Variants in GPD2 observed in about 807,000 individuals in gnomAD.
GPD2 encodes glycerol-3-phosphate dehydrogenase, mitochondrial.
Under a neutral mutation model 82.4 loss-of-function variants are expected in GPD2, and 54 were observed. The observed-to-expected ratio is 0.66, with a 90% confidence interval of 0.53 to 0.82. The LOEUF is 0.82. GPD2 is among the 40% of genes least tolerant of loss of function. The probability of loss-of-function intolerance (pLI) is 0.00; values close to 1 mark genes in which losing one functional copy is unlikely to be tolerated. For missense variants in GPD2, 748 were observed against 896.2 expected (o/e 0.83, Z 2.11); for synonymous variants, 288 against 306.1 (o/e 0.94, Z 0.62).
intron 6 of GPD2, among the ~76,000 whole-genome samples, chr2:156,544,447 G>C (rs934016431): frequency 1.3e-5 from 2 of 152,158 alleles, no homozygotes; most frequent in Admixed American, 6.5e-5. Flanking sequence ...AAGGCAAAGG[G>C]CATGGCTACA....
intron 2 of GPD2, among the ~76,000 whole-genome samples, chr2:156,486,360 A>G (rs1683938314): frequency 6.6e-6 from 1 of 152,200 alleles, no homozygotes; most frequent in South Asian, 2.1e-4. Context: ...TCTATAGGTC[A>G]CTCAGTGAGT....
At chr2:156,561,402 T>G (rs868236295) in intron 9 of GPD2, among the ~76,000 whole-genome samples, 7 of 152,088 alleles carry the variant, frequency 4.6e-5, no homozygotes, top group South Asian at 2.1e-4. Flanking sequence ...TATAAGTAAG[T>G]CTGGTTCTAA....
chr2:156,516,022 A>G (rs561917161), intron 6 of GPD2, among the ~76,000 whole-genome samples: 1 of 152,354 alleles, frequency 6.6e-6, no homozygotes, highest in South Asian at 2.1e-4. Context: ...ATGCTCAACA[A>G]AAGGAATGAA....
At chr2:156,541,233 A>C (rs1180206087) in intron 6 of GPD2, among the ~76,000 whole-genome samples, 1 of 152,252 alleles carries the variant, frequency 6.6e-6, no homozygotes, top group African/African-American at 2.4e-5. Flanking sequence ...ACACCTGTGA[A>C]AGAAGCTTTG....
intron 6 of GPD2, among the ~76,000 whole-genome samples, chr2:156,533,569 G>A (rs1685945898): frequency 6.6e-6 from 1 of 152,178 alleles, no homozygotes; most frequent in South Asian, 2.1e-4. Context: ...TTTGCAGGAA[G>A]TCCCAAGATA....
intron 6 of GPD2, among the ~76,000 whole-genome samples, chr2:156,527,483 T>C (rs538110687): frequency 1.3e-4 from 20 of 152,086 alleles, no homozygotes; most frequent in Non-Finnish European, 2.8e-4. Context: ...ACACCTATTT[T>C]TTTTAACTCA....
chr2:156,573,304 C>G (rs1037710699), intron 13 of GPD2, among the ~76,000 whole-genome samples: 1 of 152,144 alleles, frequency 6.6e-6, no homozygotes, highest in Non-Finnish European at 1.5e-5. Flanking sequence ...ACCAGGTATT[C>G]TGATCCTAGA....
At chr2:156,446,236 T>C (rs535485819) in intron 1 of GPD2, among the ~76,000 whole-genome samples, 1 of 151,934 alleles carries the variant, frequency 6.6e-6, no homozygotes, top group South Asian at 2.1e-4. Context: ...GCTGGGATTA[T>C]AGGCATGTGC....
rs1688093440 is a variant in GPD2 at position 156,583,243 on chromosome 2, A to G, written c.*325A>G. 3.1e-6 allele frequency: 1 copy of G among 326,762 alleles called. No homozygotes were observed. Among genetic ancestry groups the G allele is most frequent in the South Asian group, 2.8e-5 (1 of 35,302 alleles). 20.2% of individuals were successfully genotyped at this position (326,762 alleles called of 1,614,324 possible). A position where few individuals can be genotyped will look rare whatever the true frequency, so the allele number is the denominator to read the frequency against. ...ATTCCCTTATTCTAAATGAGTTCTAAAAACATAATATTTTGGCAAAAATTG... is the reference window on the plus strand; with the variant it reads ...ATTCCCTTATTCTAAATGAGTTCTAGAAACATAATATTTTGGCAAAAATTG... On this transcript the variant is annotated 3_prime_UTR_variant, in exon 17 of 17. Transcript: ENST00000438166.
intron 6 of GPD2, among the ~76,000 whole-genome samples, chr2:156,524,164 C>T (rs1306193007): frequency 6.6e-6 from 1 of 151,802 alleles, no homozygotes; most frequent in Admixed American, 6.6e-5. Flanking sequence ...CTTTTGGAGC[C>T]CCCAGTGTGG....
At chr2:156,499,131 CA>C (rs1400588567) in intron 3 of GPD2, among the ~76,000 whole-genome samples, 3 of 152,048 alleles carry the variant, frequency 2.0e-5, no homozygotes, top group Non-Finnish European at 4.4e-5. Flanking sequence ...TACTCTTAAA[CA>C]AATACGAGGT....
intron 9 of GPD2, among the ~76,000 whole-genome samples, chr2:156,558,156 T>C (rs1687031146): frequency 6.6e-6 from 1 of 152,194 alleles, no homozygotes; most frequent in African/African-American, 2.4e-5. Context: ...TGGTGATTTA[T>C]ATAGTTTTTT....
At position 156,584,158 on chromosome 2, in the gene GPD2, T is replaced by C. The variant is rs1275403013; in HGVS notation, c.*1240T>C. 1 of 152,150 alleles carries C rather than the reference T, an allele frequency of 6.6e-6. No individual in the cohort carries two copies. The highest frequency in any genetic ancestry group is 2.1e-4 in the South Asian group (1 of 4,826). 9.4% of individuals were successfully genotyped at this position (152,150 alleles called of 1,614,324 possible). ...AGTCCAAAGCAAAAGTCAGTGTGTATTGAATTTAACAAGTAATGCAGTTTG... is the reference window on the plus strand; with the variant it reads ...AGTCCAAAGCAAAAGTCAGTGTGTACTGAATTTAACAAGTAATGCAGTTTG... On this transcript the variant is annotated 3_prime_UTR_variant, in exon 17 of 17. Transcript: ENST00000438166.
chr2:156,505,069 T>G (rs1421462726), intron 3 of GPD2, among the ~76,000 whole-genome samples: 1 of 152,172 alleles, frequency 6.6e-6, no homozygotes, highest in Non-Finnish European at 1.5e-5. Flanking sequence ...GTTGTGAAAG[T>G]TAAATGTCGT....
At chr2:156,498,836 A>G (rs1684482712) in intron 3 of GPD2, among the ~76,000 whole-genome samples, 2 of 152,150 alleles carry the variant, frequency 1.3e-5, no homozygotes, top group South Asian at 4.1e-4. Flanking sequence ...TTCTTTTTAT[A>G]AAGATAAGAG....
At chr2:156,531,868 G>A (rs149411438) in intron 6 of GPD2, among the ~76,000 whole-genome samples, 54 of 152,228 alleles carry the variant, frequency 3.5e-4, no homozygotes, top group African/African-American at 1.2e-3. Flanking sequence ...AGCCCACTTG[G>A]TCCTTTAATA....
At chr2:156,482,592 T>C (rs1683772001) in intron 2 of GPD2, among the ~76,000 whole-genome samples, 1 of 152,220 alleles carries the variant, frequency 6.6e-6, no homozygotes, top group Non-Finnish European at 1.5e-5. Context: ...AATTTTCATA[T>C]ATCATTGTAG....
intron 3 of GPD2, among the ~76,000 whole-genome samples, chr2:156,505,484 A>G (rs1232949559): frequency 1.3e-5 from 2 of 152,204 alleles, no homozygotes; most frequent in Admixed American, 6.5e-5. Flanking sequence ...TTTCATCTTA[A>G]TAGAGATACA....
the GPD2 span, among the ~76,000 whole-genome samples, chr2:156,427,418 A>G: frequency 6.6e-6 from 1 of 152,196 alleles, no homozygotes. Flanking sequence ...ATTATACTGT[A>G]ATTTTTTTCA....
Sources: gnomAD v4.1 joint callset for allele counts (sites outside exome capture counted in the v4.1 genomes callset) on GRCh38, gnomAD v4.1.1 for gene constraint, MANE v1.5 for transcripts, NCBI Gene and HGNC (gene_info 2026-07-23, HGNC 2026-07-21) for gene names.